The following MARCHF1 variants were observed in gnomAD, a reference collection of about 807,000 sequenced individuals.
The protein encoded by MARCHF1 is membrane associated ring-CH-type finger 1.
MARCHF1 carries 40 observed loss-of-function variants against 54.2 expected under a neutral mutation model. The observed-to-expected ratio is 0.74, with a 90% CI of 0.57 to 0.96. MARCHF1 has a LOEUF of 0.96. MARCHF1 is among the 40% of genes least tolerant of loss of function. The pLI, the probability that MARCHF1 is intolerant of heterozygous loss-of-function variation, is 0.00. For synonymous variants in MARCHF1, 236 were observed against 236.3 expected (o/e 1.00, Z 0.01); for missense variants, 586 against 656.5 (o/e 0.89, Z 1.17).
intron 1 of MARCHF1, among the ~76,000 whole-genome samples, chr4:164,199,715 AGAG>A (rs1378628042): frequency 5.5e-5 from 8 of 144,148 alleles, no homozygotes; most frequent in African/African-American, 2.1e-4. Flanking sequence ...GAGAGAGAAG[AGAG>A]GAGAAGAGAA....
intron 1 of MARCHF1, among the ~76,000 whole-genome samples, chr4:164,241,064 A>AT (rs553303119): frequency 1.3e-4 from 19 of 151,786 alleles, no homozygotes; most frequent in Non-Finnish European, 2.2e-4. Flanking sequence ...TCTTTCAGAG[A>AT]TTTTTTTTAG....
At chr4:163,887,866 T>C (rs1348581144) in intron 3 of MARCHF1, among the ~76,000 whole-genome samples, 2 of 152,180 alleles carry the variant, frequency 1.3e-5, no homozygotes, top group Non-Finnish European at 2.9e-5. Flanking sequence ...GTACAGACTC[T>C]GGTCAAGTCA....
chr4:164,254,025 A>G (rs1733196664), intron 1 of MARCHF1, among the ~76,000 whole-genome samples: 1 of 152,168 alleles, frequency 6.6e-6, no homozygotes, highest in Admixed American at 6.6e-5. Context: ...GCTACTGAAA[A>G]GAGATAATAT....
intron 2 of MARCHF1, among the ~76,000 whole-genome samples, chr4:164,040,063 T>C (rs1030031154): frequency 2.7e-5 from 4 of 146,450 alleles, no homozygotes; most frequent in Non-Finnish European, 6.0e-5. Flanking sequence ...ATACAAATTA[T>C]ATATTAGTAT....
intron 3 of MARCHF1, among the ~76,000 whole-genome samples, chr4:163,858,406 AGTT>A (rs1243879451): frequency 2.0e-5 from 3 of 152,008 alleles, no homozygotes; most frequent in Non-Finnish European, 4.4e-5. Context: ...TATCTTATCT[AGTT>A]GTGCAGTTAT....
chr4:163,655,454 A>G (rs1375518222), intron 5 of MARCHF1, among the ~76,000 whole-genome samples: 1 of 151,880 alleles, frequency 6.6e-6, no homozygotes, highest in Non-Finnish European at 1.5e-5. Context: ...ACACAATAAT[A>G]GTGGGAGACT....
chr4:164,041,647 G>T (rs1390027944), intron 2 of MARCHF1, among the ~76,000 whole-genome samples: 1 of 152,076 alleles, frequency 6.6e-6, no homozygotes. Flanking sequence ...TTAATGTGTG[G>T]TTCTAGCACC....
chr4:164,237,462 G>A (rs1005562256), intron 1 of MARCHF1, among the ~76,000 whole-genome samples: 1 of 151,968 alleles, frequency 6.6e-6, no homozygotes, highest in African/African-American at 2.4e-5. Flanking sequence ...ATCTGTAGGT[G>A]TTTTTAAAGA....
intron 2 of MARCHF1, among the ~76,000 whole-genome samples, chr4:164,052,992 T>C (rs906557825): frequency 6.6e-6 from 1 of 152,194 alleles, no homozygotes; most frequent in Non-Finnish European, 1.5e-5. Context: ...AATTTCTTCA[T>C]CTTTTCTACT....
chr4:164,274,659 CTTTTTTTTTTTTTTTT>C (rs70952617), intron 1 of MARCHF1, among the ~76,000 whole-genome samples: 15 of 44,658 alleles, frequency 3.4e-4, no homozygotes, highest in South Asian at 2.3e-3. Flanking sequence ...TCAGGGTACA[CTTTTTTTTTTTTTTTT>C]TTTTTTTTTT....
At chr4:163,925,488 G>A (rs569227449) in intron 3 of MARCHF1, among the ~76,000 whole-genome samples, 91 of 151,876 alleles carry the variant, frequency 6.0e-4, no homozygotes, top group African/African-American at 2.2e-3. Flanking sequence ...TCAACCCATT[G>A]TTACATTACT....
At chr4:163,558,052 C>T (rs1739347370) in intron 8 of MARCHF1, among the ~76,000 whole-genome samples, 1 of 152,064 alleles carries the variant, frequency 6.6e-6, no homozygotes, top group South Asian at 2.1e-4. Flanking sequence ...AATTTGGGTT[C>T]TGTGAAAATA....
At chr4:164,177,009 T>TATATATATATATATATATACAC (rs1553989397) in intron 1 of MARCHF1, among the ~76,000 whole-genome samples, 1 of 55,576 alleles carries the variant, frequency 1.8e-5, no homozygotes, top group Admixed American at 2.0e-4. Flanking sequence ...TATATATATA[T>TATATATATATATATATATACAC]ACAAATGATA....
chr4:163,895,247 T>C (rs1172790945), intron 3 of MARCHF1, among the ~76,000 whole-genome samples: 1 of 152,214 alleles, frequency 6.6e-6, no homozygotes, highest in Non-Finnish European at 1.5e-5. Flanking sequence ...AAGATGTCTA[T>C]TTATGCAATT....
At chr4:164,071,374 AG>A (rs1180448812) in intron 2 of MARCHF1, among the ~76,000 whole-genome samples, 1 of 152,148 alleles carries the variant, frequency 6.6e-6, no homozygotes, top group Admixed American at 6.5e-5. Flanking sequence ...GGATTATAAT[AG>A]ATTTCACCAA....
At position 163,551,822 on chromosome 4, in the gene MARCHF1, G is replaced by A. The variant is rs115446141; in HGVS notation, c.1192-6079C>T. Among the ~76,000 whole-genome samples the A allele has an allele frequency of 2.9e-3, 447 of 152,202 alleles. 1 individual carries two copies. Among genetic ancestry groups the A allele is most frequent in the African/African-American group, 0.01 (420 of 41,522 alleles). On this transcript the variant is annotated intron_variant, in intron 8 of 9. Coordinates refer to ENST00000514618, the MANE Select transcript of MARCHF1 (RefSeq NM_001394959.1). Reference sequence around the variant, plus strand: ...TGAGGTCTCTCTCTTGCCTGCTGCCGTGTAAGACATGCCTTTCACTGTCTG... The same window carrying A: ...TGAGGTCTCTCTCTTGCCTGCTGCCATGTAAGACATGCCTTTCACTGTCTG...
chr4:163,762,199 T>C (rs1019598758), intron 4 of MARCHF1, among the ~76,000 whole-genome samples: 3 of 152,316 alleles, frequency 2.0e-5, no homozygotes, highest in Admixed American at 6.5e-5. Flanking sequence ...CTTTAAATTA[T>C]TCACATATTT....
At position 164,051,951 on chromosome 4, in the gene MARCHF1, C is replaced by G. The variant is rs1297427035; in HGVS notation, c.-248+59637G>C. Among the ~76,000 whole-genome samples, 6 of 152,186 alleles carry G rather than the reference C, an allele frequency of 3.9e-5. No individual in the cohort carries two copies. In the South Asian group the frequency reaches 6.2e-4, roughly 16 times the overall value. Reference sequence around the variant, plus strand: ...CAAAAGAATTTTGATTTGCAGCTACCTAAAATGAATGTTGCTACAATGCTA... The same window carrying G: ...CAAAAGAATTTTGATTTGCAGCTACGTAAAATGAATGTTGCTACAATGCTA... On this transcript the variant is annotated intron_variant, in intron 2 of 9. Transcript: ENST00000514618.
At chr4:164,003,174 C>T (rs987084341) in intron 2 of MARCHF1, among the ~76,000 whole-genome samples, 14 of 151,486 alleles carry the variant, frequency 9.2e-5, no homozygotes, top group South Asian at 4.2e-4. Context: ...ATTTAAATAA[C>T]GGAAATCACC....
Sources: gnomAD v4.1 joint callset for allele counts (sites outside exome capture counted in the v4.1 genomes callset) on GRCh38, gnomAD v4.1.1 for gene constraint, MANE v1.5 for transcripts, NCBI Gene and HGNC (gene_info 2026-07-23, HGNC 2026-07-21) for gene names.